CLCC1: variants seen among roughly 807,000 people sequenced by gnomAD.
CLCC1 encodes chloride channel CLIC-like protein 1.
In CLCC1, 39 loss-of-function variants were observed where a neutral mutation model predicts 63.3. The observed-to-expected ratio is 0.62, with a 90% CI of 0.48 to 0.81. The LOEUF (loss-of-function observed/expected upper bound fraction) is 0.81. CLCC1 is among the 30% of genes least tolerant of loss of function. CLCC1 has a pLI of 0.00. For synonymous variants in CLCC1, 217 were observed against 239.8 expected (o/e 0.90, Z 0.88); for missense variants, 549 against 669.4 (o/e 0.82, Z 1.98).
intron 2 of CLCC1, among the ~76,000 whole-genome samples, chr1:108,960,223 T>C (rs1656447162): frequency 6.6e-6 from 1 of 152,098 alleles, no homozygotes; most frequent in Non-Finnish European, 1.5e-5. Context: ...GTATACTTTA[T>C]TGGAAAAAAT....
rs753215723 is a variant in CLCC1, at chr1:108,937,118, G to A, written c.1342C>T (p.Pro448Ser). The A allele has an allele frequency of 8.5e-6, 13 of 1,528,966 alleles. No homozygotes were observed. Among genetic ancestry groups the A allele is most frequent in the Non-Finnish European group, 1.1e-5 (13 of 1,140,288 alleles). The allele number at this position is 1,528,966 out of a possible 1,614,324, so 94.7% of individuals were successfully genotyped here. A position where few individuals can be genotyped will look rare whatever the true frequency, so the allele number is the denominator to read the frequency against. Reference sequence around the variant, plus strand: ...GGATGCTCTCGTGCCTCTGCGTCTGGTACATCAAATGCCCGGAGCACTTCA... The same window carrying A: ...GGATGCTCTCGTGCCTCTGCGTCTGATACATCAAATGCCCGGAGCACTTCA... ...SPEVLRAFDV[P>S]DAEAREHPTV... The change falls in exon 11 of 13, where the codon CCA (proline) becomes TCA (serine). Residue 448 changes from proline (P) to serine (S), a missense_variant. Coordinates refer to ENST00000369969, the MANE Select transcript of CLCC1 (RefSeq NM_001377458.1).
At chr1:108,957,924 C>T (rs1205810431) in intron 2 of CLCC1, among the ~76,000 whole-genome samples, 1 of 151,310 alleles carries the variant, frequency 6.6e-6, no homozygotes, top group Non-Finnish European at 1.5e-5. Context: ...GGCAAGCCAA[C>T]ATTCGGGGAT....
chr1:108,956,881 C>CGGGG lies in CLCC1; in HGVS notation c.-12+5427_-12+5428insCCCC, dbSNP rs747975035. ...TGGGTCTTGGGAATGAGCTGGGAGG[C>CGGGG]AGGGAGGCGGGGAGGCGGGGAGGCG... On this transcript the variant is annotated intron_variant, in intron 2 of 12. Transcript: ENST00000369969. Among the ~76,000 whole-genome samples the CGGGG allele has an allele frequency of 2.0e-3, 200 of 98,728 alleles. 6 individuals are homozygous for CGGGG. Among genetic ancestry groups the CGGGG allele is most frequent in the African/African-American group, 6.9e-3 (164 of 23,914 alleles). The allele number at this position is 98,728 out of a possible 152,430, so 64.8% of individuals were successfully genotyped here.
intron 2 of CLCC1, among the ~76,000 whole-genome samples, chr1:108,958,939 C>T (rs149932339): frequency 0.019 from 2,893 of 151,196 alleles, 190 homozygotes; most frequent in African/African-American, 0.061. Flanking sequence ...TTTGGGAGGC[C>T]GAGGTGGGCG....
At chr1:108,936,083 TTG>T (rs1221372606) in intron 11 of CLCC1, among the ~76,000 whole-genome samples, 1 of 137,520 alleles carries the variant, frequency 7.3e-6, no homozygotes, top group South Asian at 2.3e-4. Flanking sequence ...CCATCTTAAG[TTG>T]TTTTTTTTTT....
At chr1:108,959,652 G>T (rs999523942) in intron 2 of CLCC1, among the ~76,000 whole-genome samples, 2 of 152,114 alleles carry the variant, frequency 1.3e-5, no homozygotes, top group Non-Finnish European at 2.9e-5. Flanking sequence ...ATATATACAA[G>T]GTTCAGTACT....
intron 10 of CLCC1, among the ~76,000 whole-genome samples, chr1:108,938,893 C>T (rs1039229899): frequency 1.3e-5 from 2 of 152,010 alleles, no homozygotes; most frequent in East Asian, 3.9e-4. Flanking sequence ...CATATGCAAT[C>T]AAACTAGAGA....
chr1:108,959,128 C>G (rs1434275632), intron 2 of CLCC1, among the ~76,000 whole-genome samples: 2 of 152,156 alleles, frequency 1.3e-5, no homozygotes, highest in African/African-American at 4.8e-5. Flanking sequence ...GAGCCGAGAT[C>G]ACGCCATTGC....
In CLCC1 at chr1:108,950,386, C is replaced by A. The variant is rs779147510; in HGVS notation, c.52G>T (p.Ala18Ser). ...CECLLLVAGYAHDDDWIDPTD... is the reference protein window; with the variant it reads ...CECLLLVAGYSHDDDWIDPTD... Reference sequence around the variant, plus strand: ...GGGTCAATCCAGTCATCATCATGAGCATAACCAGCTACCAGCAACAGACAT... The same window carrying A: ...GGGTCAATCCAGTCATCATCATGAGAATAACCAGCTACCAGCAACAGACAT... The change falls in exon 3 of 13, where the codon GCT becomes TCT. Residue 18 changes from alanine to serine, a missense_variant. Physicochemically the swap from Ala to Ser is moderately conservative, Grantham distance 99. Transcript: ENST00000369969. 2 of 1,612,140 alleles carry A rather than the reference C, an allele frequency of 1.2e-6. No individual in the cohort carries two copies. The highest frequency in any genetic ancestry group is 1.7e-6 in the Non-Finnish European group (2 of 1,178,838).
intron 10 of CLCC1, 48 bp downstream of exon 10, chr1:108,939,588 C>T (rs766086902): frequency 2.6e-5 from 41 of 1,568,392 alleles, no homozygotes; most frequent in African/African-American, 1.5e-4. Context: ...GGATTACAGG[C>T]GTGAGCCACC....
In CLCC1 at chr1:108,941,514, A is replaced by C; in HGVS notation, c.703-16T>G. On this transcript the variant is annotated splice_polypyrimidine_tract_variant and intron_variant, in intron 7 of 12. Coordinates refer to ENST00000369969, the MANE Select transcript of CLCC1 (RefSeq NM_001377458.1). Reference sequence around the variant, plus strand: ...CAAAAGCTAGCTGCCCAACACCAAAAGGGAACCAGGAGAGGCCGTTACCTA... The same window carrying C: ...CAAAAGCTAGCTGCCCAACACCAAACGGGAACCAGGAGAGGCCGTTACCTA... 6.2e-7 allele frequency: 1 copy of C among 1,611,528 alleles called. No individual in the cohort carries two copies.
chr1:108,946,453 G>T (rs761005517), intron 5 of CLCC1, among the ~76,000 whole-genome samples: 1 of 152,140 alleles, frequency 6.6e-6, no homozygotes, highest in African/African-American at 2.4e-5. Flanking sequence ...GTATGAGAAC[G>T]CATCTGCTTC....
rs1379483513 is a variant in CLCC1, at chr1:108,929,808, G to T, written c.*2739C>A. ...GCCTTATTTTACGGTCCCAGGGAAA[G>T]AGAATGGATGAACAGAGAGTTCTTT... On this transcript the variant is annotated 3_prime_UTR_variant, in exon 13 of 13. Coordinates refer to ENST00000369969, the MANE Select transcript of CLCC1 (RefSeq NM_001377458.1). 2 of 1,614,144 alleles carry T rather than the reference G, an allele frequency of 1.2e-6. No homozygotes were observed. The highest frequency in any genetic ancestry group is 1.6e-4 in the Middle Eastern group (1 of 6,062).
chr1:108,933,449 T>G (rs1193467389), intron 12 of CLCC1: 3 of 149,652 alleles, frequency 2.0e-5, no homozygotes, highest in Non-Finnish European at 4.4e-5. Flanking sequence ...GGCCTAAAAT[T>G]ACATTGTTAC....
Position 108,963,421 on chromosome 1 carries a change from G to A in CLCC1, c.-233C>T, listed in dbSNP as rs1434248407. The A allele has an allele frequency of 1.1e-5, 8 of 702,366 alleles. No homozygotes were observed. Among genetic ancestry groups the A allele is most frequent in the Non-Finnish European group, 2.1e-5 (8 of 384,910 alleles). The allele number at this position is 702,366 out of a possible 1,614,324, so 43.5% of individuals were successfully genotyped here. Reference sequence around the variant, plus strand: ...CCTGCCCAGGCCGGCCGCAGAAGAGGTCGCACAGCTTGCCGCCGCCCAGGG... The same window carrying A: ...CCTGCCCAGGCCGGCCGCAGAAGAGATCGCACAGCTTGCCGCCGCCCAGGG... On this transcript the variant is annotated 5_prime_UTR_variant, in exon 1 of 13. Transcript: ENST00000369969.
At chr1:108,957,350 A>T (rs1298568997) in intron 2 of CLCC1, among the ~76,000 whole-genome samples, 1 of 151,386 alleles carries the variant, frequency 6.6e-6, no homozygotes, top group East Asian at 1.9e-4. Flanking sequence ...AGTCTGGCCC[A>T]TGAAAACCTC....
At position 108,929,748 on chromosome 1, in the gene CLCC1, A is replaced by C. The variant is rs1206854575; in HGVS notation, c.*2799T>G. The stretch of plus-strand genomic sequence containing the variant: ...GATGTGCTCCACCACCTGCTACCAC[A>C]AAGGGTCCGACAGTACCAGATGAAG... On this transcript the variant is annotated 3_prime_UTR_variant, in exon 13 of 13. Coordinates refer to ENST00000369969, the MANE Select transcript of CLCC1 (RefSeq NM_001377458.1). The C allele has an allele frequency of 1.4e-5, 23 of 1,613,314 alleles. No homozygotes were observed. The highest frequency in any genetic ancestry group is 1.9e-5 in the Non-Finnish European group (22 of 1,179,404).
At chr1:108,962,713 A>G (rs1306086250) in intron 1 of CLCC1, among the ~76,000 whole-genome samples, 1 of 152,066 alleles carries the variant, frequency 6.6e-6, no homozygotes, top group Non-Finnish European at 1.5e-5. Flanking sequence ...TACAAATAAA[A>G]TTTACAAATT....
In CLCC1 at chr1:108,963,464, G is replaced by A. The variant is rs748969031; in HGVS notation, c.-276C>T. 4.3e-6 allele frequency: 3 copies of A among 702,116 alleles called. No homozygotes were observed. 43.5% of individuals were successfully genotyped at this position (702,116 alleles called of 1,614,324 possible). On this transcript the variant is annotated 5_prime_UTR_variant, in exon 1 of 13. Transcript: ENST00000369969. ...GCCCAGGGTTTCAGCGTGCTTCCTGGGCCTCGTCATCGAATTGTTCGGCTG... is the reference window on the plus strand; with the variant it reads ...GCCCAGGGTTTCAGCGTGCTTCCTGAGCCTCGTCATCGAATTGTTCGGCTG...
Sources: gnomAD v4.1 joint callset for allele counts (sites outside exome capture counted in the v4.1 genomes callset) on GRCh38, gnomAD v4.1.1 for gene constraint, MANE v1.5 for transcripts, NCBI Gene and HGNC (gene_info 2026-07-23, HGNC 2026-07-21) for gene names.